The following LARGE1 variants were observed in gnomAD, a reference collection of about 807,000 sequenced individuals.
LARGE1 encodes LARGE xylosyl- and glucuronyltransferase 1, also known as xylosyl- and glucuronyltransferase LARGE1.
In LARGE1, 43 loss-of-function variants were observed where a neutral mutation model predicts 87.6. That is an observed-to-expected ratio of 0.49 (90% confidence interval 0.38 to 0.63). LARGE1 has a LOEUF of 0.63. Ranked by LOEUF, LARGE1 falls within the 30% of genes least tolerant of loss-of-function variation. The pLI is 0.00. For missense variants in LARGE1, 802 were observed against 1,000.2 expected (o/e 0.80, Z 2.67); for synonymous variants, 434 against 394.6 (o/e 1.10, Z -1.18).
intron 3 of LARGE1, among the ~76,000 whole-genome samples, chr22:33,648,602 G>C (rs141735144): frequency 2.1e-3 from 325 of 152,220 alleles, no homozygotes; most frequent in African/African-American, 7.7e-3. Flanking sequence ...CCCTAAATTA[G>C]GGCCCTCCCC....
intron 2 of LARGE1, among the ~76,000 whole-genome samples, chr22:33,750,381 A>G (rs5999086): frequency 0.24 from 36,730 of 152,090 alleles, 6,494 homozygotes; most frequent in African/African-American, 0.51. Context: ...ATCTCCCAAT[A>G]TTTAACCATT....
chr22:33,825,536 A>G (rs1039043771), intron 1 of LARGE1, among the ~76,000 whole-genome samples: 9 of 152,136 alleles, frequency 5.9e-5, no homozygotes, highest in East Asian at 3.9e-4. Context: ...GGCAGCAAGG[A>G]GAAACGCTGA....
intron 7 of LARGE1, among the ~76,000 whole-genome samples, chr22:33,420,333 G>T (rs2066647210): frequency 6.6e-6 from 1 of 152,126 alleles, no homozygotes; most frequent in Admixed American, 6.5e-5. Flanking sequence ...AGACAGCAGT[G>T]AAATTGACAG....
intron 11 of LARGE1, among the ~76,000 whole-genome samples, chr22:33,226,978 T>A (rs1480718519): frequency 6.6e-6 from 1 of 152,144 alleles, no homozygotes; most frequent in African/African-American, 2.4e-5. Flanking sequence ...ACCTTTAAAT[T>A]ATTAAGTAGA....
At chr22:33,902,826 CG>C (rs1458503822) in intron 1 of LARGE1, among the ~76,000 whole-genome samples, 1 of 152,070 alleles carries the variant, frequency 6.6e-6, no homozygotes, top group Non-Finnish European at 1.5e-5. Flanking sequence ...TATTTAGTGA[CG>C]GGGTCTTTAA....
chr22:33,717,744 A>C (rs1445197819), intron 2 of LARGE1, among the ~76,000 whole-genome samples: 1 of 152,254 alleles, frequency 6.6e-6, no homozygotes, highest in African/African-American at 2.4e-5. Context: ...AAAAGAAACA[A>C]GGAATGAAGG....
At chr22:33,517,084 C>T (rs1159634623) in intron 6 of LARGE1, among the ~76,000 whole-genome samples, 3 of 152,090 alleles carry the variant, frequency 2.0e-5, no homozygotes, top group Non-Finnish European at 4.4e-5. Flanking sequence ...GATGAAAATC[C>T]TCAGCTCTGG....
At chr22:33,478,643 A>G (rs552811074) in intron 6 of LARGE1, among the ~76,000 whole-genome samples, 3 of 152,270 alleles carry the variant, frequency 2.0e-5, no homozygotes, top group South Asian at 2.1e-4. Context: ...CTGAACCACA[A>G]TTTCTTCATC....
At chr22:33,091,419 G>T in the LARGE1 span, among the ~76,000 whole-genome samples, 1 of 152,142 alleles carries the variant, frequency 6.6e-6, no homozygotes, top group Non-Finnish European at 1.5e-5. Flanking sequence ...AAATTAGCCA[G>T]TGTGGTGGCA....
At chr22:33,184,020 C>T (rs1923335613) in intron 11 of LARGE1, among the ~76,000 whole-genome samples, 1 of 143,552 alleles carries the variant, frequency 7.0e-6, no homozygotes. Context: ...CCAACCCTAA[C>T]CCCCACACAG....
intron 2 of LARGE1, among the ~76,000 whole-genome samples, chr22:33,675,292 CAA>C (rs71320987): frequency 0.067 from 2,189 of 32,744 alleles, 23 homozygotes; most frequent in Non-Finnish European, 0.092. Context: ...GAAACTCCAT[CAA>C]AAAAAAAAAA....
At chr22:33,886,922 A>G (rs2064868489) in intron 1 of LARGE1, among the ~76,000 whole-genome samples, 1 of 152,124 alleles carries the variant, frequency 6.6e-6, no homozygotes, top group African/African-American at 2.4e-5. Flanking sequence ...AGAACATCCC[A>G]TAAAAGCCTA....
intron 11 of LARGE1, among the ~76,000 whole-genome samples, chr22:33,267,068 T>C (rs1204019287): frequency 2.0e-5 from 3 of 151,468 alleles, no homozygotes; most frequent in Admixed American, 2.0e-4. Context: ...GGCAAAACCC[T>C]GTATCTAGTA....
the LARGE1 span, among the ~76,000 whole-genome samples, chr22:33,117,548 C>A: frequency 6.6e-6 from 1 of 151,498 alleles, no homozygotes; most frequent in South Asian, 2.1e-4. Flanking sequence ...TACAGGAAAA[C>A]ATTTTCATTT....
At chr22:33,697,471 C>CG (rs1202822041) in intron 2 of LARGE1, among the ~76,000 whole-genome samples, 2 of 138,422 alleles carry the variant, frequency 1.4e-5, no homozygotes, top group Non-Finnish European at 3.0e-5. Flanking sequence ...CCAAGGCGGG[C>CG]GGATCACGAG....
chr22:33,331,877 T>A (rs1417587452), intron 10 of LARGE1, among the ~76,000 whole-genome samples: 4 of 152,146 alleles, frequency 2.6e-5, no homozygotes, highest in Non-Finnish European at 4.4e-5. Flanking sequence ...ATTCAACCTT[T>A]AAATCTCACC....
rs1361964414 is a variant in LARGE1, at chr22:33,266,725, C to T, written c.1730+37504G>A. Among the ~76,000 whole-genome samples, 5 of 151,696 alleles carry T rather than the reference C, an allele frequency of 3.3e-5. No homozygotes were observed. The East Asian group carries it at 5.8e-4, about 18-fold the overall frequency. On this transcript the variant is annotated intron_variant, in intron 11 of 11. Coordinates refer to the LARGE1 transcript ENST00000608642. ...GGAACAGCTGGTCTGGCTGAGCCTA[C>T]GTATGACGGGTTTGGGAACATCATA...
intron 6 of LARGE1, among the ~76,000 whole-genome samples, chr22:33,556,069 T>C (rs1169565187): frequency 2.0e-5 from 3 of 152,158 alleles, no homozygotes; most frequent in Non-Finnish European, 4.4e-5. Context: ...CATCCACCTC[T>C]CTCCCTTTAG....
chr22:33,815,657 C>A (rs762147588), intron 1 of LARGE1, among the ~76,000 whole-genome samples: 8 of 152,178 alleles, frequency 5.3e-5, no homozygotes, highest in Admixed American at 6.5e-5. Context: ...GACTCACACA[C>A]CTGGGCTTGC....
Sources: gnomAD v4.1 joint callset for allele counts (sites outside exome capture counted in the v4.1 genomes callset) on GRCh38, gnomAD v4.1.1 for gene constraint, MANE v1.5 for transcripts, NCBI Gene and HGNC (gene_info 2026-07-23, HGNC 2026-07-21) for gene names.